Variants in STRA8 observed in about 807,000 individuals in gnomAD.
STRA8 encodes the protein stimulated by retinoic acid gene 8 protein homolog.
Under a neutral mutation model 37.1 loss-of-function variants are expected in STRA8, and 18 were observed. The observed-to-expected ratio is 0.48, with a 90% CI of 0.34 to 0.72. STRA8 has a LOEUF of 0.72. Ranked by LOEUF, STRA8 falls within the 30% of genes least tolerant of loss-of-function variation. The probability of loss-of-function intolerance (pLI) is 0.01; values close to 1 mark genes in which losing one functional copy is unlikely to be tolerated. For missense variants in STRA8, 357 were observed against 410.4 expected (o/e 0.87, Z 1.13); for synonymous variants, 168 against 162.9 (o/e 1.03, Z -0.24).
chr7:135,232,727 T>C (rs1832311755), upstream of STRA8, among the ~76,000 whole-genome samples: 1 of 152,210 alleles, frequency 6.6e-6, no homozygotes, highest in Non-Finnish European at 1.5e-5. Context: ...ATCATCTCAC[T>C]GACGTCAAAC....
At chr7:135,245,207 G>C in intron 4 of STRA8, 81 bp from the exon 5 acceptor site, 1 of 771,990 alleles carries the variant, frequency 1.3e-6, no homozygotes. Flanking sequence ...ATGTATACTT[G>C]CTAAAGTTGC....
At chr7:135,258,184 T>TCC (rs1230724382) in intron 8 of STRA8, among the ~76,000 whole-genome samples, 1 of 152,194 alleles carries the variant, frequency 6.6e-6, no homozygotes, top group Non-Finnish European at 1.5e-5. Context: ...AGAAGCCAGT[T>TCC]CTGCTGTGTC....
intron 1 of STRA8, among the ~76,000 whole-genome samples, chr7:135,237,718 C>A (rs1199374758): frequency 6.6e-6 from 1 of 152,048 alleles, no homozygotes; most frequent in Non-Finnish European, 1.5e-5. Context: ...ACGGTGAAAC[C>A]CCGTCTCTAC....
At chr7:135,251,979 GAGAC>G (rs902444478) in intron 7 of STRA8, 110 bp downstream of exon 7, 1 of 951,412 alleles carries the variant, frequency 1.1e-6, no homozygotes, top group Admixed American at 1.8e-5. Context: ...TGGTAAGTCA[GAGAC>G]AGAGAGAGGA....
chr7:135,245,187 A>G, intron 4 of STRA8, 101 bp from the exon 5 acceptor site: 1 of 744,628 alleles, frequency 1.3e-6, no homozygotes, highest in Non-Finnish European at 2.5e-6. Flanking sequence ...ACACACACAC[A>G]TACATATACA....
intron 6 of STRA8, among the ~76,000 whole-genome samples, chr7:135,250,658 G>C (rs1211958979): frequency 6.6e-6 from 1 of 152,174 alleles, no homozygotes; most frequent in Admixed American, 6.5e-5. Flanking sequence ...GCCAACTCAG[G>C]GTCAGAGAAC....
intron 8 of STRA8, among the ~76,000 whole-genome samples, chr7:135,256,866 G>T (rs1158599521): frequency 6.6e-6 from 1 of 152,200 alleles, no homozygotes; most frequent in Non-Finnish European, 1.5e-5. Context: ...GATTCCCGAT[G>T]CCTCAGTGCT....
intron 1 of STRA8, 95 bp from the exon 2 acceptor site, chr7:135,240,424 C>A (rs773494443): frequency 8.0e-7 from 1 of 1,248,576 alleles, no homozygotes; most frequent in Non-Finnish European, 1.1e-6. Context: ...GGGAAGGGTA[C>A]CTCCTTTCTG....
chr7:135,246,223 T>C lies in STRA8; in HGVS notation c.594-194T>C, dbSNP rs959964530. On this transcript the variant is annotated intron_variant, in intron 5 of 8. Transcript: ENST00000662584. This position sits in a 1 kb window ranked among gnomAD's most constrained non-coding sequence, Gnocchi z 5.4. ...GGGGAGGGGCCCCAAAGCCCAAGTC[T>C]ATGTCCTTCATGGCCCCCAGGAAGG... The C allele has an allele frequency of 1.2e-5, 9 of 729,428 alleles. No individual in the cohort carries two copies. Among genetic ancestry groups the C allele is most frequent in the Admixed American group, 5.9e-5 (2 of 34,146 alleles). The allele number at this position is 729,428 out of a possible 1,614,324, so 45.2% of individuals were successfully genotyped here. A position where few individuals can be genotyped will look rare whatever the true frequency, so the allele number is the denominator to read the frequency against.
chr7:135,249,273 A>T (rs975816162), intron 6 of STRA8, among the ~76,000 whole-genome samples: 6 of 152,208 alleles, frequency 3.9e-5, no homozygotes, highest in African/African-American at 1.2e-4. Context: ...GGTTTTCCAT[A>T]TGAAAAAATA....
rs1444716282 is a variant in STRA8 at position 135,246,670 on chromosome 7, G to A, written c.847G>A (p.Ala283Thr). The change falls in exon 6 of 9, where the codon GCC becomes ACC. Residue 283 changes from alanine (A) to threonine (T), a missense_variant. Coordinates refer to ENST00000662584, the MANE Select transcript of STRA8 (RefSeq NM_001394401.1). This position sits in a 1 kb window ranked among gnomAD's most constrained non-coding sequence, Gnocchi z 5.4. ...GGACAGCGGCGTGGACAGCCAGGGG[G>A]CCAGCTGCTCGCTGGTCTCCACGCC... ...VKDSGVDSQGASCSLVSTPEE... is the reference protein window; with the variant it reads ...VKDSGVDSQGTSCSLVSTPEE... 2.0e-6 allele frequency: 3 copies of A among 1,530,862 alleles called. No individual in the cohort carries two copies. Among genetic ancestry groups the A allele is most frequent in the Non-Finnish European group, 1.7e-6 (2 of 1,144,932 alleles). 94.8% of individuals were successfully genotyped at this position (1,530,862 alleles called of 1,614,324 possible). A position where few individuals can be genotyped will look rare whatever the true frequency, so the allele number is the denominator to read the frequency against.
chr7:135,248,885 C>G (rs1832601782), intron 6 of STRA8, among the ~76,000 whole-genome samples: 1 of 152,182 alleles, frequency 6.6e-6, no homozygotes, highest in Non-Finnish European at 1.5e-5. Flanking sequence ...CATGGGTCCA[C>G]CAGACTGTGG....
chr7:135,250,950 G>A (rs1832626993), intron 6 of STRA8, among the ~76,000 whole-genome samples: 1 of 152,140 alleles, frequency 6.6e-6, no homozygotes, highest in Non-Finnish European at 1.5e-5. Flanking sequence ...TGTCTAAATA[G>A]CAAGATTCCA....
Position 135,258,459 on chromosome 7 carries a change from G to A in STRA8, c.1107G>A (p.Gln369=), listed in dbSNP as rs1444916180. The A allele has an allele frequency of 1.9e-6, 3 of 1,606,626 alleles. No individual in the cohort carries two copies. The highest frequency in any genetic ancestry group is 2.5e-6 in the Non-Finnish European group (3 of 1,176,482). The change falls in exon 9 of 9, where the codon CAG becomes CAA. Residue 369 remains glutamine, a synonymous_variant. Coordinates refer to ENST00000662584, the MANE Select transcript of STRA8 (RefSeq NM_001394401.1). Reference sequence around the variant, plus strand: ...TTGATGAAGAGATGATCATGTTGCAGTGCACAGAGACCTTTGACGATGAAG... The same window carrying A: ...TTGATGAAGAGATGATCATGTTGCAATGCACAGAGACCTTTGACGATGAAG... The part of the protein sequence containing the change: ...FPVDEEMIML[Q]CTETFDDEDL
rs540185194 is a variant in STRA8 at position 135,254,201 on chromosome 7, C to T, written c.954-913C>T. ...GAGCTTGGACTGCAAAGACAACCAT[C>T]GAGAAGCTGCCAGCCTGTCCTTGCC... On this transcript the variant is annotated intron_variant, in intron 7 of 8. Coordinates refer to ENST00000662584, the MANE Select transcript of STRA8 (RefSeq NM_001394401.1). 9.3e-4 allele frequency among the ~76,000 whole-genome samples: 141 copies of T among 152,320 alleles called. 1 individual carries two copies. Among genetic ancestry groups the T allele is most frequent in the African/African-American group, 3.2e-3 (132 of 41,558 alleles).
chr7:135,250,129 C>T (rs554941393), intron 6 of STRA8, among the ~76,000 whole-genome samples: 16 of 152,346 alleles, frequency 1.1e-4, no homozygotes, highest in South Asian at 4.1e-4. Flanking sequence ...GCCAGCAGCA[C>T]GGTCAGATGG....
chr7:135,243,798 A>T (rs1361625380), intron 4 of STRA8, among the ~76,000 whole-genome samples: 1 of 152,220 alleles, frequency 6.6e-6, no homozygotes, highest in African/African-American at 2.4e-5. Context: ...CTTTTTCTAT[A>T]TGTATTTTTT....
Position 135,251,938 on chromosome 7 carries a change from G to A in STRA8, c.953+69G>A, listed in dbSNP as rs1290296574. On this transcript the variant is annotated intron_variant, in intron 7 of 8. Transcript: ENST00000662584. ...GATGTGAGATTGTGTGTGCGCAGGT[G>A]TGTATGTGTGAGTTTGCATGTGCAT... 3 of 1,461,206 alleles carry A rather than the reference G, an allele frequency of 2.1e-6. No individual in the cohort carries two copies. The highest frequency in any genetic ancestry group is 1.1e-5 in the South Asian group (1 of 87,944). 90.5% of individuals were successfully genotyped at this position (1,461,206 alleles called of 1,614,324 possible).
At chr7:135,243,070 ACT>A (rs899060406) in intron 3 of STRA8, among the ~76,000 whole-genome samples, 15 of 152,012 alleles carry the variant, frequency 9.9e-5, no homozygotes, top group African/African-American at 3.4e-4. Flanking sequence ...AGGCCATGAG[ACT>A]CTGATGAGTT....
Sources: gnomAD v4.1 joint callset for allele counts (sites outside exome capture counted in the v4.1 genomes callset) on GRCh38, gnomAD v4.1.1 for gene constraint, Gnocchi (gnomAD v3.1) non-coding constraint, MANE v1.5 for transcripts, NCBI Gene and HGNC (gene_info 2026-07-23, HGNC 2026-07-21) for gene names.